Variants in ZNF469 observed in about 807,000 individuals in gnomAD.
The protein encoded by ZNF469 is zinc finger protein 469.
A neutral mutation model predicts 1.0 loss-of-function variants in ZNF469; 1 was observed. The ratio of observed to expected loss-of-function variants is 1.00; its 90% CI spans 0.35 to 4.73. ZNF469 has a LOEUF of 4.73. Ranked by LOEUF, ZNF469 falls within the 30% of genes most tolerant of loss-of-function variation. The pLI, the probability that ZNF469 is intolerant of heterozygous loss-of-function variation, is 0.16. For missense variants in ZNF469, 6,100 were observed against 5,356.3 expected (o/e 1.14, Z -4.33); for synonymous variants, 2,703 against 2,363.4 (o/e 1.14, Z -4.17).
At chr16:88,399,065 A>G (rs947843851) in intron 1 of ZNF469, among the ~76,000 whole-genome samples, 7 of 152,242 alleles carry the variant, frequency 4.6e-5, no homozygotes, top group African/African-American at 1.4e-4. Flanking sequence ...TCACACGGCA[A>G]TGGTCTCCCC....
At chr16:88,274,805 C>T in the ZNF469 span, among the ~76,000 whole-genome samples, 2 of 152,250 alleles carry the variant, frequency 1.3e-5, no homozygotes, top group East Asian at 3.8e-4. Context: ...CCTTAGCCCT[C>T]ACTCATGGCC....
intron 1 of ZNF469, among the ~76,000 whole-genome samples, chr16:88,412,229 A>T (rs1905191655): frequency 6.6e-6 from 1 of 152,022 alleles, no homozygotes; most frequent in Non-Finnish European, 1.5e-5. Context: ...CCGAAGTAAC[A>T]CGTCTGCCAG....
the ZNF469 span, among the ~76,000 whole-genome samples, chr16:88,159,567 A>C: frequency 2.0e-5 from 3 of 152,146 alleles, no homozygotes; most frequent in Non-Finnish European, 4.4e-5. Context: ...GGTGGGAAGG[A>C]GCAGCCCTTC....
the ZNF469 span, among the ~76,000 whole-genome samples, chr16:88,325,283 GCCCGAGGTGCAC>G: frequency 3.4e-5 from 5 of 147,230 alleles, no homozygotes; most frequent in Non-Finnish European, 7.5e-5. Flanking sequence ...TCCGTAAGCT[GCCCGAGGTGCAC>G]CCCGGGGGGC....
chr16:88,304,308 G>A, the ZNF469 span, among the ~76,000 whole-genome samples: 7 of 152,194 alleles, frequency 4.6e-5, no homozygotes, highest in Non-Finnish European at 8.8e-5. Flanking sequence ...ATGCACACAC[G>A]TCCCCATCGC....
At chr16:88,391,408 C>G (rs1904488349) in intron 1 of ZNF469, among the ~76,000 whole-genome samples, 1 of 152,262 alleles carries the variant, frequency 6.6e-6, no homozygotes, top group African/African-American at 2.4e-5. Context: ...TCCACAGGCT[C>G]AAGTCTGATC....
chr16:88,118,836 G>T, the ZNF469 span, among the ~76,000 whole-genome samples: 1 of 152,190 alleles, frequency 6.6e-6, no homozygotes, highest in Non-Finnish European at 1.5e-5. Flanking sequence ...AGAACCACAC[G>T]GATAAGCAAT....
At chr16:88,152,149 A>T in the ZNF469 span, among the ~76,000 whole-genome samples, 1 of 152,224 alleles carries the variant, frequency 6.6e-6, no homozygotes, top group African/African-American at 2.4e-5. The surrounding 1 kb of genome is among the most constrained non-coding windows in gnomAD (Gnocchi z 4.2). Flanking sequence ...CAGGCTGTGG[A>T]TGCAAAAACA....
chr16:88,107,429 AACTC>A, the ZNF469 span, among the ~76,000 whole-genome samples: 1 of 152,330 alleles, frequency 6.6e-6, no homozygotes, highest in South Asian at 2.1e-4. Context: ...CTCTCACAAG[AACTC>A]ACTCACTATC....
At chr16:88,164,906 G>C in the ZNF469 span, among the ~76,000 whole-genome samples, 1 of 152,202 alleles carries the variant, frequency 6.6e-6, no homozygotes, top group Non-Finnish European at 1.5e-5. Context: ...TACACTGAGC[G>C]TGCTTTCCAA....
chr16:88,130,251 C>A, the ZNF469 span, among the ~76,000 whole-genome samples: 1 of 152,146 alleles, frequency 6.6e-6, no homozygotes, highest in Non-Finnish European at 1.5e-5. Flanking sequence ...TCGAGGCCAT[C>A]TGGGGGTCTT....
chr16:88,151,448 T>C, the ZNF469 span, among the ~76,000 whole-genome samples: 1 of 152,170 alleles, frequency 6.6e-6, no homozygotes, highest in Non-Finnish European at 1.5e-5. This position sits in a 1 kb window ranked among gnomAD's most constrained non-coding sequence, Gnocchi z 5.4. Context: ...GGCCGCAGAC[T>C]CTCCCTGCTT....
chr16:88,262,971 G>A, the ZNF469 span, among the ~76,000 whole-genome samples: 5 of 152,370 alleles, frequency 3.3e-5, 1 homozygote, highest in South Asian at 6.2e-4. The surrounding 1 kb of genome is among the most constrained non-coding windows in gnomAD (Gnocchi z 4.3). Flanking sequence ...GTGGAGGAGC[G>A]TTTCATTAGC....
chr16:88,251,068 G>A, the ZNF469 span, among the ~76,000 whole-genome samples: 2 of 152,160 alleles, frequency 1.3e-5, no homozygotes, highest in South Asian at 2.1e-4. Context: ...AGTAGAGACG[G>A]GGTTTCACCT....
intron 1 of ZNF469, among the ~76,000 whole-genome samples, chr16:88,398,152 G>A (rs372803072): frequency 4.7e-4 from 71 of 152,378 alleles, no homozygotes; most frequent in African/African-American, 1.7e-3. Flanking sequence ...GGTGTCAGAA[G>A]TCCTGGTTGC....
intron 1 of ZNF469, among the ~76,000 whole-genome samples, chr16:88,399,855 C>T (rs910407830): frequency 3.9e-5 from 6 of 152,246 alleles, no homozygotes; most frequent in South Asian, 2.1e-4. Flanking sequence ...GACGGCAGCC[C>T]CTCTGCCAGG....
the ZNF469 span, among the ~76,000 whole-genome samples, chr16:88,234,614 C>T: frequency 6.7e-3 from 1,017 of 152,296 alleles, 8 homozygotes; most frequent in African/African-American, 0.023. Flanking sequence ...CCGGTTTGGA[C>T]GCAGCCCGTG....
chr16:88,324,639 G>A, the ZNF469 span, among the ~76,000 whole-genome samples: 142 of 152,374 alleles, frequency 9.3e-4, no homozygotes, highest in Non-Finnish European at 1.6e-3. Flanking sequence ...GTGCGCCAGG[G>A]TGAGTGCATA....
In ZNF469 at chr16:88,429,857, C is replaced by T. The variant is rs752775388; in HGVS notation, c.2387C>T (p.Thr796Ile). ...GCGGGCTTGCTCAGCCACGCGAAGA[C>T]CTTCCTGTTAGCTGGGGACGCCCAG... is the stretch of plus-strand genomic sequence containing the variant. ...AHAGLLSHAK[T>I]FLLAGDAQAE... Residue 796 changes from threonine to isoleucine, a missense_variant, in exon 3 of 3, where the codon ACC (threonine) becomes ATC (isoleucine). Transcript: ENST00000565624. 21 of 1,549,954 alleles carry T rather than the reference C, an allele frequency of 1.4e-5. 1 individual carries two copies. In the South Asian group the frequency reaches 2.5e-4, roughly 18 times the overall value.
Sources: gnomAD v4.1 joint callset for allele counts (sites outside exome capture counted in the v4.1 genomes callset) on GRCh38, gnomAD v4.1.1 for gene constraint, Gnocchi (gnomAD v3.1) non-coding constraint, MANE v1.5 for transcripts, NCBI Gene and HGNC (gene_info 2026-07-23, HGNC 2026-07-21) for gene names.